Variants in EZH2 observed in about 807,000 individuals in gnomAD.
EZH2 encodes enhancer of zeste 2 polycomb repressive complex 2 subunit, also known as histone-lysine N-methyltransferase EZH2.
Under a neutral mutation model 98.4 loss-of-function variants are expected in EZH2, and 18 were observed. The ratio of observed to expected loss-of-function variants is 0.18; its 90% confidence interval spans 0.13 to 0.27. The LOEUF (loss-of-function observed/expected upper bound fraction) is 0.27, where lower values mean the gene tolerates loss of function less well. EZH2 is among the 10% of genes least tolerant of loss of function. The probability of loss-of-function intolerance (pLI) is 1.00; values close to 1 mark genes in which losing one functional copy is unlikely to be tolerated. For synonymous variants in EZH2, 338 were observed against 312.3 expected, an observed-to-expected ratio of 1.08 and a Z score of -0.87; for missense variants, 470 against 935.1, an observed-to-expected ratio of 0.50 and a Z score of 6.49.
intron 17 of EZH2, among the ~76,000 whole-genome samples, chr7:148,809,657 CAT>C (rs1271351728): frequency 8.2e-5 from 7 of 84,982 alleles, no homozygotes; most frequent in African/African-American, 2.9e-4. Context: ...CTGAGCAAAA[CAT>C]AGCAAAAAAA....
At chr7:148,838,601 A>C (rs1217768860) in intron 3 of EZH2, among the ~76,000 whole-genome samples, 1 of 152,216 alleles carries the variant, frequency 6.6e-6, no homozygotes, top group Non-Finnish European at 1.5e-5. Flanking sequence ...GAGTAGAAAA[A>C]AGAACAATTT....
intron 7 of EZH2, among the ~76,000 whole-genome samples, chr7:148,826,905 G>A (rs1321276570): frequency 1.3e-5 from 2 of 152,152 alleles, no homozygotes; most frequent in Middle Eastern, 3.2e-3. Context: ...TAATTTTCCT[G>A]TAAATGTACT....
At position 148,818,900 on chromosome 7, in the gene EZH2, T is replaced by C. The variant is rs781540325; in HGVS notation, c.999+696A>G. 100 of 365,254 alleles carry C rather than the reference T, an allele frequency of 2.7e-4. No individual in the cohort carries two copies. In the Middle Eastern group the frequency reaches 6.2e-3, roughly 23 times the overall value. 22.6% of individuals were successfully genotyped at this position (365,254 alleles called of 1,614,324 possible). A position where few individuals can be genotyped will look rare whatever the true frequency, so the allele number is the denominator to read the frequency against. ...AAGAATTCCATTTTTTTAGTGGAAA[T>C]AGAAGGGAGAAGTTTGACAGCAGCC... On this transcript the variant is annotated intron_variant, in intron 9 of 19. Transcript: ENST00000320356.
At chr7:148,865,088 C>G (rs1014329450) in intron 1 of EZH2, among the ~76,000 whole-genome samples, 1 of 150,156 alleles carries the variant, frequency 6.7e-6, no homozygotes. Context: ...GATCGCGCCA[C>G]TGCTCTTCAG....
chr7:148,882,010 T>A (rs1000085819), intron 1 of EZH2, among the ~76,000 whole-genome samples: 1 of 149,096 alleles, frequency 6.7e-6, no homozygotes, highest in African/African-American at 2.5e-5. Flanking sequence ...ATATGTATCC[T>A]AAAATATCCG....
intron 4 of EZH2, among the ~76,000 whole-genome samples, chr7:148,830,615 C>G (rs1043251274): frequency 9.9e-5 from 15 of 151,898 alleles, no homozygotes; most frequent in Admixed American, 8.5e-4. Flanking sequence ...GAACATTCTA[C>G]AAAAACATAA....
Position 148,824,545 on chromosome 7 carries a change from T to C in EZH2, c.907+1909A>G, listed in dbSNP as rs1480690274. ...ATGCTGCAGGGATATGTGGCCTAGG[T>C]GTGTCATGCGCTGTACCATCTAGGT... is the stretch of plus-strand genomic sequence containing the variant. On this transcript the variant is annotated intron_variant, in intron 8 of 19. Coordinates refer to ENST00000320356, the MANE Select transcript of EZH2 (RefSeq NM_004456.5). Among the ~76,000 whole-genome samples, 4 of 152,302 alleles carry C rather than the reference T, an allele frequency of 2.6e-5. No homozygotes were observed. In the East Asian group the frequency reaches 7.7e-4, roughly 29 times the overall value.
chr7:148,874,310 C>G (rs1393070951), intron 1 of EZH2, among the ~76,000 whole-genome samples: 2 of 152,122 alleles, frequency 1.3e-5, no homozygotes, highest in Non-Finnish European at 2.9e-5. Context: ...ATTGTTTCAG[C>G]CCAGGAGGTG....
chr7:148,874,281 A>T (rs964718526), intron 1 of EZH2, among the ~76,000 whole-genome samples: 2 of 152,174 alleles, frequency 1.3e-5, no homozygotes, highest in Non-Finnish European at 2.9e-5. Context: ...CCAGCTACTC[A>T]GGAGACTGAT....
At chr7:148,882,133 A>G (rs1487232247) in intron 1 of EZH2, among the ~76,000 whole-genome samples, 1 of 152,080 alleles carries the variant, frequency 6.6e-6, no homozygotes, top group East Asian at 1.9e-4. Context: ...CTTTTTTGTT[A>G]TAATGTCTCA....
At chr7:148,847,943 G>C (rs997740690) in intron 1 of EZH2, among the ~76,000 whole-genome samples, 1 of 152,194 alleles carries the variant, frequency 6.6e-6, no homozygotes, top group Non-Finnish European at 1.5e-5. Context: ...GAAATGCAAA[G>C]TAAATTCTTC....
Position 148,826,934 on chromosome 7 carries a change from ATG to A in EZH2, c.728+228_728+229del, listed in dbSNP as rs59973708. ...ATGTACTACTGTAAATTTTATGTATATGTGTGTGTTTATGTGTATATATAAAT... is the reference window on the plus strand; with the variant it reads ...ATGTACTACTGTAAATTTTATGTATATGTGTGTTTATGTGTATATATAAAT... On this transcript the variant is annotated intron_variant, in intron 7 of 19. Transcript: ENST00000320356. Among the ~76,000 whole-genome samples, 530 of 152,334 alleles carry A rather than the reference ATG, an allele frequency of 3.5e-3. No homozygotes were observed. Among genetic ancestry groups the A allele is most frequent in the African/African-American group, 0.012 (487 of 41,574 alleles).
chr7:148,848,254 G>A (rs1814707062), intron 1 of EZH2, among the ~76,000 whole-genome samples: 1 of 152,176 alleles, frequency 6.6e-6, no homozygotes, highest in Non-Finnish European at 1.5e-5. Flanking sequence ...CGGTGAGGGA[G>A]TGAAAGAATA....
intron 4 of EZH2, among the ~76,000 whole-genome samples, chr7:148,832,319 T>C (rs1809611589): frequency 1.3e-5 from 2 of 152,164 alleles, no homozygotes; most frequent in African/African-American, 4.8e-5. Context: ...ACTCAAGTAA[T>C]CCATCTGCCT....
intron 1 of EZH2, among the ~76,000 whole-genome samples, chr7:148,854,026 C>T (rs1816345738): frequency 6.6e-6 from 1 of 152,234 alleles, no homozygotes; most frequent in Non-Finnish European, 1.5e-5. Context: ...ACCAGATACG[C>T]CCCTACTCCA....
intron 1 of EZH2, among the ~76,000 whole-genome samples, chr7:148,853,940 A>G (rs1160658466): frequency 2.0e-5 from 3 of 152,186 alleles, no homozygotes; most frequent in Admixed American, 6.5e-5. Context: ...GCCCCAGGAC[A>G]TGGCCAAGAC....
Position 148,814,127 on chromosome 7 carries a change from G to C in EZH2, c.1683C>G (p.Arg561=), listed in dbSNP as rs1429715202. 1 of 1,613,020 alleles carries C rather than the reference G, an allele frequency of 6.2e-7. No individual in the cohort carries two copies. The highest frequency in any genetic ancestry group is 8.5e-7 in the Non-Finnish European group (1 of 1,179,746). ...GTGCTTTGCAGCGGCATCCCGGAAA[G>C]CGGTTTTGACCTTCAGAGAGAGGTT... ...FCQCSSECQN[R]FPGCRCKAQC... The change falls in exon 15 of 20, where the codon CGC becomes CGG. Residue 561 remains arginine, a synonymous_variant. Transcript: ENST00000320356.
chr7:148,853,643 T>C (rs1259974277), intron 1 of EZH2, among the ~76,000 whole-genome samples: 1 of 152,202 alleles, frequency 6.6e-6, no homozygotes, highest in African/African-American at 2.4e-5. Context: ...GATTACTAAA[T>C]ACCTAATACA....
chr7:148,859,378 C>T (rs745533746), intron 1 of EZH2, among the ~76,000 whole-genome samples: 8 of 152,028 alleles, frequency 5.3e-5, no homozygotes. Flanking sequence ...TGGTGGCACA[C>T]ACCTGTAGTC....
Sources: allele counts gnomAD v4.1 joint callset (sites outside exome capture counted in the v4.1 genomes callset), GRCh38; gene constraint gnomAD v4.1.1; transcripts MANE v1.5; gene names NCBI Gene and HGNC (gene_info 2026-07-23, HGNC 2026-07-21).